Variants in IPO11 observed in about 807,000 individuals in gnomAD.
The protein encoded by IPO11 is importin 11, also known as importin-11.
IPO11 carries 66 observed loss-of-function variants against 143.2 expected under a neutral mutation model. The observed-to-expected ratio is 0.46, with a 90% CI of 0.38 to 0.57. The LOEUF (loss-of-function observed/expected upper bound fraction) is 0.57, where lower values mean the gene tolerates loss of function less well. Ranked by LOEUF, IPO11 falls within the 20% of genes least tolerant of loss-of-function variation. IPO11 has a pLI of 0.00. For synonymous variants in IPO11, 385 were observed against 377.8 expected (o/e 1.02, Z -0.22); for missense variants, 1,026 against 1,141.0 (o/e 0.90, Z 1.45).
chr5:62,419,223 A>T, intron 1 of IPO11: 9 of 1,315,890 alleles, frequency 6.8e-6, no homozygotes, highest in Non-Finnish European at 9.0e-6. Flanking sequence ...CAGGGCACTT[A>T]CCTCGAATGG....
chr5:62,564,678 C>A (rs1436505546), intron 27 of IPO11, among the ~76,000 whole-genome samples: 1 of 152,062 alleles, frequency 6.6e-6, no homozygotes, highest in Admixed American at 6.5e-5. Flanking sequence ...TCCTCTTCCT[C>A]CCACCCCCTC....
intron 5 of IPO11, among the ~76,000 whole-genome samples, chr5:62,464,262 T>A (rs561292779): frequency 4.2e-5 from 6 of 142,646 alleles, no homozygotes; most frequent in Non-Finnish European, 3.0e-5. Flanking sequence ...CGCCTCAGCC[T>A]CCCGAGTAGC....
At chr5:62,623,929 G>A (rs1746464736) in intron 29 of IPO11, among the ~76,000 whole-genome samples, 1 of 151,398 alleles carries the variant, frequency 6.6e-6, no homozygotes, top group South Asian at 2.1e-4. Flanking sequence ...GGCCTTTTAT[G>A]GGTATTACTT....
At chr5:62,544,418 C>A (rs1021289109) in intron 24 of IPO11, among the ~76,000 whole-genome samples, 1 of 152,018 alleles carries the variant, frequency 6.6e-6, no homozygotes, top group Non-Finnish European at 1.5e-5. Context: ...TGCTAAAAAC[C>A]CTCAATAAAT....
chr5:62,546,604 A>G (rs1224234120), intron 24 of IPO11, among the ~76,000 whole-genome samples: 1 of 151,914 alleles, frequency 6.6e-6, no homozygotes, highest in Non-Finnish European at 1.5e-5. Flanking sequence ...TATAAAAAAA[A>G]AACCACACAC....
At chr5:62,451,212 T>C (rs2112160731) in intron 4 of IPO11, among the ~76,000 whole-genome samples, 1 of 152,342 alleles carries the variant, frequency 6.6e-6, no homozygotes, top group East Asian at 1.9e-4. Context: ...CTCGTTATAC[T>C]GCTAAAATTG....
intron 15 of IPO11, among the ~76,000 whole-genome samples, chr5:62,492,133 C>T (rs1746637026): frequency 6.6e-6 from 1 of 152,156 alleles, no homozygotes; most frequent in Admixed American, 6.5e-5. Flanking sequence ...AAGCAATGCA[C>T]ACATTAAATA....
chr5:62,598,548 TCTTTC>T lies in IPO11; in HGVS notation c.2679-3215_2679-3211del, dbSNP rs1745370891. ...TTTCTTTTCTTTCTTTTCTTTCTTT[TCTTTC>T]TTTTTTTTTTTTATGGAGTCTTGCC... On this transcript the variant is annotated intron_variant, in intron 28 of 29. Transcript: ENST00000325324. Among the ~76,000 whole-genome samples the T allele has an allele frequency of 2.6e-4, 6 of 23,520 alleles. No homozygotes were observed. The African/African-American group carries it at 3.1e-3, about 12-fold the overall frequency. The allele number at this position is 23,520 out of a possible 152,430, so 15.4% of individuals were successfully genotyped here.
At position 62,485,403 on chromosome 5, in the gene IPO11, A is replaced by G. The variant is rs776733910; in HGVS notation, c.1175-16A>G. 1.5e-5 allele frequency: 24 copies of G among 1,593,338 alleles called. No homozygotes were observed. The highest frequency in any genetic ancestry group is 3.3e-4 in the Middle Eastern group (2 of 5,988). On this transcript the variant is annotated splice_polypyrimidine_tract_variant and intron_variant, in intron 11 of 29. Coordinates refer to ENST00000325324, the MANE Select transcript of IPO11 (RefSeq NM_016338.5). ...AAGATGTTGAAAATGTCATTATTAC[A>G]TATTTTTAATTGCAGCAGTGGAAGA...
rs1743349398 is a variant in IPO11, at chr5:62,550,397, A to G, written c.2281A>G (p.Ile761Val). Residue 761 changes from isoleucine to valine, a missense_variant, in exon 25 of 30, where the codon ATA becomes GTA. Ile to Val is a conservative substitution (Grantham distance 29). Coordinates refer to ENST00000325324, the MANE Select transcript of IPO11 (RefSeq NM_016338.5). ...VVENALKVNP[I>V]LGPQMFQPIL... ...GGAAAATGCCCTTAAAGTGAACCCA[A>G]TACTAGGTCCACAAATGTTTCAACC... 4 of 1,613,222 alleles carry G rather than the reference A, an allele frequency of 2.5e-6. No homozygotes were observed. The highest frequency in any genetic ancestry group is 2.2e-5 in the East Asian group (1 of 44,802).
At chr5:62,489,481 GATAACCAA>G in intron 14 of IPO11, 132 bp downstream of exon 14, 1 of 562,458 alleles carries the variant, frequency 1.8e-6, no homozygotes. Context: ...TGATTGGGGA[GATAACCAA>G]GTAAACAGAT....
chr5:62,447,025 G>A (rs1272817373), intron 3 of IPO11, among the ~76,000 whole-genome samples: 1 of 149,950 alleles, frequency 6.7e-6, no homozygotes, highest in East Asian at 1.9e-4. Context: ...GATGTCTTTT[G>A]ATGAACAGAA....
At chr5:62,516,806 G>C (rs1414723532) in intron 20 of IPO11, among the ~76,000 whole-genome samples, 4 of 151,776 alleles carry the variant, frequency 2.6e-5, no homozygotes, top group Non-Finnish European at 4.4e-5. Context: ...ATGTTCAACT[G>C]TCACTACCAT....
chr5:62,568,574 C>CAAAAAAAAAA (rs66748975), intron 27 of IPO11, among the ~76,000 whole-genome samples: 10 of 51,896 alleles, frequency 1.9e-4, no homozygotes, highest in African/African-American at 5.3e-4. Context: ...ACTCTGTCTC[C>CAAAAAAAAAA]AAAAAAAAAA....
chr5:62,611,455 G>A (rs986519826), intron 29 of IPO11, among the ~76,000 whole-genome samples: 7 of 152,124 alleles, frequency 4.6e-5, no homozygotes, highest in African/African-American at 1.7e-4. Context: ...CAAAGACACT[G>A]GAAAAGAAAA....
rs138160179 is a variant in IPO11, at chr5:62,605,926, C to G, written c.2763+4078C>G. On this transcript the variant is annotated intron_variant, in intron 29 of 29. Transcript: ENST00000325324. ...TTACATGTTTTGTAGAGACAGGGTC[C>G]CACTTTGTTGCTTAGGCTGGTCTCG... is the stretch of plus-strand genomic sequence containing the variant. Among the ~76,000 whole-genome samples, 42 of 152,010 alleles carry G rather than the reference C, an allele frequency of 2.8e-4. No homozygotes were observed. In the East Asian group the frequency reaches 7.4e-3, roughly 27 times the overall value.
intron 12 of IPO11, among the ~76,000 whole-genome samples, chr5:62,486,138 G>A (rs944311344): frequency 7.9e-5 from 12 of 151,364 alleles, no homozygotes; most frequent in Admixed American, 2.6e-4. Flanking sequence ...CCGCCACCAC[G>A]CCCAGCTAAT....
chr5:62,598,891 C>G (rs2112444290), intron 28 of IPO11, among the ~76,000 whole-genome samples: 2 of 151,590 alleles, frequency 1.3e-5, no homozygotes, highest in Middle Eastern at 3.4e-3. Flanking sequence ...AGTTACATAG[C>G]CATAAAAAAA....
chr5:62,435,202 A>ATATATACG lies in IPO11; in HGVS notation c.-6-2066_-6-2065insCGTATATA, dbSNP rs1554047239. 2.7e-4 allele frequency among the ~76,000 whole-genome samples: 29 copies of ATATATACG among 107,028 alleles called. 1 individual carries two copies. The South Asian group carries it at 5.7e-3, about 21-fold the overall frequency. 70.2% of individuals were successfully genotyped at this position (107,028 alleles called of 152,430 possible). ...TATGTATATATATGTATATATATGTATATATATGTGTATATATATATATAT... is the reference window on the plus strand; with the variant it reads ...TATGTATATATATGTATATATATGTATATATACGTATATATGTGTATATATATATATAT... On this transcript the variant is annotated intron_variant, in intron 1 of 29. Coordinates refer to ENST00000325324, the MANE Select transcript of IPO11 (RefSeq NM_016338.5).
Sources: gnomAD v4.1 joint callset for allele counts (sites outside exome capture counted in the v4.1 genomes callset) on GRCh38, gnomAD v4.1.1 for gene constraint, MANE v1.5 for transcripts, NCBI Gene and HGNC (gene_info 2026-07-23, HGNC 2026-07-21) for gene names.